The following PRKCB variants were observed in gnomAD, a reference collection of about 807,000 sequenced individuals.
PRKCB encodes protein kinase C beta type.
PRKCB carries 13 observed loss-of-function variants against 81.5 expected under a neutral mutation model. The ratio of observed to expected loss-of-function variants is 0.16; its 90% CI spans 0.10 to 0.25. The LOEUF (loss-of-function observed/expected upper bound fraction) is 0.25, where lower values mean the gene tolerates loss of function less well. Ranked by LOEUF, PRKCB falls within the 10% of genes least tolerant of loss-of-function variation. The pLI, the probability that PRKCB is intolerant of heterozygous loss-of-function variation, is 1.00. For synonymous variants in PRKCB, 335 were observed against 321.4 expected (o/e 1.04, Z -0.45); for missense variants, 509 against 875.7 (o/e 0.58, Z 5.29).
chr16:23,925,215 C>T (rs547695343), intron 2 of PRKCB, among the ~76,000 whole-genome samples: 1 of 152,212 alleles, frequency 6.6e-6, no homozygotes, highest in South Asian at 2.1e-4. Context: ...AAAGCATTGA[C>T]ATTGTCACTT....
chr16:24,012,089 C>T (rs1212162965), intron 3 of PRKCB, among the ~76,000 whole-genome samples: 1 of 152,154 alleles, frequency 6.6e-6, no homozygotes, highest in East Asian at 1.9e-4. Flanking sequence ...TCCCAAATTC[C>T]ACTGAGCAGT....
intron 10 of PRKCB, among the ~76,000 whole-genome samples, chr16:24,168,541 CTTTTTT>C (rs56671761): frequency 1.3e-5 from 1 of 76,394 alleles, no homozygotes; most frequent in Non-Finnish European, 3.0e-5. Context: ...TCTTCTTCTA[CTTTTTT>C]TTTTTTTTTT....
At chr16:24,017,498 GCACACA>G (rs59633203) in intron 3 of PRKCB, among the ~76,000 whole-genome samples, 4 of 148,272 alleles carry the variant, frequency 2.7e-5, no homozygotes. Context: ...AAACACGCAG[GCACACA>G]CACACACACA....
At chr16:24,102,731 T>C (rs748720418) in intron 7 of PRKCB, among the ~76,000 whole-genome samples, 1 of 152,262 alleles carries the variant, frequency 6.6e-6, no homozygotes, top group Admixed American at 6.5e-5. Flanking sequence ...TACTTATTTA[T>C]TTTCTTCAAG....
At chr16:23,866,161 C>A (rs952024794) in intron 2 of PRKCB, among the ~76,000 whole-genome samples, 1 of 152,200 alleles carries the variant, frequency 6.6e-6, no homozygotes, top group Non-Finnish European at 1.5e-5. Flanking sequence ...CTCTAGGTTA[C>A]TAGACTGGCA....
chr16:23,995,557 A>G (rs947929540), intron 3 of PRKCB, among the ~76,000 whole-genome samples: 5 of 152,142 alleles, frequency 3.3e-5, no homozygotes, highest in African/African-American at 9.7e-5. Context: ...CGATTTGACC[A>G]TGGGCCACTA....
chr16:23,942,583 A>G (rs562582653), intron 2 of PRKCB, among the ~76,000 whole-genome samples: 1 of 152,340 alleles, frequency 6.6e-6, no homozygotes, highest in South Asian at 2.1e-4. Flanking sequence ...TACTTCAAGC[A>G]CTTAAACTCC....
intron 7 of PRKCB, among the ~76,000 whole-genome samples, chr16:24,100,275 G>A (rs1250495568): frequency 1.3e-5 from 2 of 151,704 alleles, no homozygotes; most frequent in Non-Finnish European, 2.9e-5. Context: ...CGAGGAGGGG[G>A]TCTGTTCTGT....
intron 16 of PRKCB, among the ~76,000 whole-genome samples, chr16:24,210,055 G>T (rs191305760): frequency 1.3e-5 from 2 of 152,264 alleles, no homozygotes; most frequent in Non-Finnish European, 2.9e-5. Flanking sequence ...GTTTGAGGCT[G>T]CAGTGAGCTG....
chr16:23,836,463 T>C, intron 1 of PRKCB, 115 bp downstream of exon 1: 1 of 1,420,458 alleles, frequency 7.0e-7, no homozygotes, highest in East Asian at 2.7e-5. Context: ...GGACCCCGCG[T>C]CTCCGGACTC....
intron 7 of PRKCB, among the ~76,000 whole-genome samples, chr16:24,110,305 G>T (rs527321316): frequency 6.6e-6 from 1 of 151,382 alleles, no homozygotes; most frequent in Admixed American, 6.6e-5. Flanking sequence ...TCTGCCTCCC[G>T]GGTTCAAGCG....
intron 2 of PRKCB, among the ~76,000 whole-genome samples, chr16:23,905,683 A>C (rs1344979102): frequency 6.6e-6 from 1 of 152,176 alleles, no homozygotes; most frequent in Non-Finnish European, 1.5e-5. Context: ...CAACCTATGG[A>C]TATCTTGGCA....
At chr16:24,192,861 C>T (rs1967814680) in intron 16 of PRKCB, among the ~76,000 whole-genome samples, 1 of 152,204 alleles carries the variant, frequency 6.6e-6, no homozygotes. Flanking sequence ...ACTTGATGAG[C>T]TCTCAAGGTT....
At chr16:23,869,080 C>T (rs1962858423) in intron 2 of PRKCB, 1 of 453,564 alleles carries the variant, frequency 2.2e-6, no homozygotes, top group Non-Finnish European at 4.4e-6. Flanking sequence ...ATACATTTCA[C>T]ACATGGCTAT....
intron 2 of PRKCB, among the ~76,000 whole-genome samples, chr16:23,959,133 TAATTACAAAATAAAC>T (rs1245123913): frequency 1.3e-5 from 2 of 152,196 alleles, no homozygotes; most frequent in Non-Finnish European, 2.9e-5. Context: ...TTGGTTAAAA[TAATTACAAAATAAAC>T]AATCTCACTT....
At chr16:23,987,897 A>C (rs148465695) in intron 2 of PRKCB, among the ~76,000 whole-genome samples, 217 of 152,340 alleles carry the variant, frequency 1.4e-3, no homozygotes, top group African/African-American at 5.0e-3. Flanking sequence ...CATACCATAG[A>C]TGCATTAAAT....
intron 9 of PRKCB, among the ~76,000 whole-genome samples, chr16:24,141,754 ACC>A (rs1966904961): frequency 1.3e-5 from 2 of 152,170 alleles, no homozygotes; most frequent in South Asian, 4.1e-4. Context: ...CATGTGGATT[ACC>A]CAGGGAGGAT....
chr16:24,117,590 G>T (rs1966749720), intron 8 of PRKCB, among the ~76,000 whole-genome samples: 1 of 152,116 alleles, frequency 6.6e-6, no homozygotes, highest in Admixed American at 6.5e-5. Context: ...AGCCCACAGA[G>T]GTTTAAGTAA....
At chr16:23,963,735 G>A (rs1467442151) in intron 2 of PRKCB, 2 of 152,234 alleles carry the variant, frequency 1.3e-5, no homozygotes, top group Non-Finnish European at 2.9e-5. Flanking sequence ...CCTCATTAAG[G>A]TTAGCAAGGG....
Sources: allele counts gnomAD v4.1 joint callset (sites outside exome capture counted in the v4.1 genomes callset), GRCh38; gene constraint gnomAD v4.1.1; transcripts MANE v1.5; gene names NCBI Gene and HGNC (gene_info 2026-07-23, HGNC 2026-07-21).